Variants in TREM1 observed in about 807,000 individuals in gnomAD.
The protein encoded by TREM1 is triggering receptor expressed on monocytes 1.
A neutral mutation model predicts 22.4 loss-of-function variants in TREM1; 16 were observed. The ratio of observed to expected loss-of-function variants is 0.71; its 90% CI spans 0.48 to 1.08. TREM1 has a LOEUF of 1.08. TREM1 is among the 50% of genes least tolerant of loss of function. The pLI is 0.00. For missense variants in TREM1, 283 were observed against 282.9 expected, an observed-to-expected ratio of 1.00 and a Z score of 0.00; for synonymous variants, 110 against 111.6, an observed-to-expected ratio of 0.99 and a Z score of 0.09.
chr6:41,278,402 G>A (rs539366541), intron 3 of TREM1, among the ~76,000 whole-genome samples: 1 of 152,088 alleles, frequency 6.6e-6, no homozygotes, highest in East Asian at 2.0e-4. Context: ...GGATGTGGTG[G>A]CTCACACTTG....
intron 3 of TREM1, chr6:41,279,650 A>G (rs1035098485): frequency 1.0e-6 from 1 of 985,478 alleles, no homozygotes. Flanking sequence ...GTCTACACTC[A>G]TAGAGAAATT....
At chr6:41,270,622 A>G (rs1767456150), downstream of TREM1, among the ~76,000 whole-genome samples, 1 of 152,076 alleles carries the variant, frequency 6.6e-6, no homozygotes, top group African/African-American at 2.4e-5. Flanking sequence ...AAAAGGTACA[A>G]AAGAACTTCA....
intron 3 of TREM1, 77 bp downstream of exon 3, chr6:41,280,884 A>G: frequency 1.2e-6 from 2 of 1,606,246 alleles, no homozygotes; most frequent in Non-Finnish European, 1.7e-6. Context: ...CCTCACTTTC[A>G]CATCCTCTCA....
chr6:41,284,332 T>C (rs1166293309), intron 1 of TREM1, among the ~76,000 whole-genome samples: 2 of 152,166 alleles, frequency 1.3e-5, no homozygotes, highest in East Asian at 3.9e-4. Context: ...ATGTCAATAG[T>C]GCCATGTTTG....
chr6:41,271,052 T>C (rs190242335), downstream of TREM1, among the ~76,000 whole-genome samples: 973 of 152,262 alleles, frequency 6.4e-3, 31 homozygotes, highest in South Asian at 0.11. Flanking sequence ...AGACAGATGC[T>C]CTTCCCATTC....
chr6:41,268,220 G>A (rs886508363), intron 3 of TREM1: 11 of 397,044 alleles, frequency 2.8e-5, no homozygotes, highest in East Asian at 7.1e-5. Context: ...CAATCTGTAC[G>A]GGATGCTGCT....
rs1414711564 is a variant in TREM1 at position 41,286,601 on chromosome 6, T to C, written c.49+6A>G. On this transcript the variant is annotated splice_donor_region_variant and intron_variant, in intron 1 of 3. Transcript: ENST00000244709. Reference sequence around the variant, plus strand: ...CTCCCCTGCTCAGTCCTCTTCCTTGTCTTACCTGAGACAAAGAGCATCCAC... The same window carrying C: ...CTCCCCTGCTCAGTCCTCTTCCTTGCCTTACCTGAGACAAAGAGCATCCAC... 1 of 1,613,794 alleles carries C rather than the reference T, an allele frequency of 6.2e-7. No individual in the cohort carries two copies. Among genetic ancestry groups the C allele is most frequent in the African/African-American group, 1.3e-5 (1 of 74,870 alleles).
intron 1 of TREM1, 67 bp downstream of exon 1, chr6:41,286,540 A>G (rs1768177729): frequency 3.2e-6 from 5 of 1,581,916 alleles, no homozygotes; most frequent in Non-Finnish European, 4.3e-6. Context: ...TGAAGCTTCA[A>G]CAGAAAAGGG....
At chr6:41,278,803 C>T (rs1354125596) in intron 3 of TREM1, among the ~76,000 whole-genome samples, 1 of 152,108 alleles carries the variant, frequency 6.6e-6, no homozygotes, top group Non-Finnish European at 1.5e-5. Context: ...GATGCAGTCT[C>T]TAGCAGCAAG....
intron 2 of TREM1, 27 bp downstream of exon 2, chr6:41,282,368 T>C (rs1767955150): frequency 1.9e-6 from 3 of 1,565,312 alleles, no homozygotes. Flanking sequence ...CTGGCCCTTC[T>C]TTCCCCCCAA....
chr6:41,284,229 A>T (rs528182546), intron 1 of TREM1, among the ~76,000 whole-genome samples: 13 of 152,222 alleles, frequency 8.5e-5, no homozygotes, highest in South Asian at 4.2e-4. Flanking sequence ...AACCAGGGAG[A>T]GGGGTGGATG....
At chr6:41,272,976 C>T (rs915510778), downstream of TREM1, among the ~76,000 whole-genome samples, 1 of 152,166 alleles carries the variant, frequency 6.6e-6, no homozygotes, top group African/African-American at 2.4e-5. Flanking sequence ...CAGAGTTCTG[C>T]TTCCCCTTCT....
At chr6:41,285,311 T>A (rs1412100250) in intron 1 of TREM1, among the ~76,000 whole-genome samples, 1 of 152,192 alleles carries the variant, frequency 6.6e-6, no homozygotes, top group Non-Finnish European at 1.5e-5. Context: ...CTATTAAGTA[T>A]TATGTGCTAA....
intron 1 of TREM1, among the ~76,000 whole-genome samples, chr6:41,285,081 A>C (rs1233089210): frequency 1.3e-5 from 2 of 152,160 alleles, no homozygotes; most frequent in Non-Finnish European, 2.9e-5. Flanking sequence ...AGTTGCCACC[A>C]CTGAAGCCCT....
rs1040564570 is a variant in TREM1 at position 41,282,625 on chromosome 6, C to T, written c.176G>A (p.Arg59Lys). The T allele has an allele frequency of 4.3e-6, 7 of 1,614,206 alleles. No homozygotes were observed. The East Asian group carries it at 1.3e-4, about 31-fold the overall frequency. Residue 59 changes from arginine (R) to lysine (K), a missense_variant, in exon 2 of 4, where the codon AGG becomes AAG. Physicochemically the swap from Arg to Lys is conservative, Grantham distance 26. Transcript: ENST00000244709. The part of the protein sequence containing the change: ...ASSQKAWQII[R>K]DGEMPKTLAC... ...CAGGGTCTTGGGCATCTCTCCGTCCCTTATTATCTGCCAAGCTTTCTGGCT... is the reference window on the plus strand; with the variant it reads ...CAGGGTCTTGGGCATCTCTCCGTCCTTTATTATCTGCCAAGCTTTCTGGCT...
At position 41,275,774 on chromosome 6, in the gene TREM1, A is replaced by C; in HGVS notation, c.*351T>G. On this transcript the variant is annotated 3_prime_UTR_variant, in exon 4 of 4. Transcript: ENST00000244709. ...TGTATGGTCCAGGGCAAAACTGAGC[A>C]GGAGAAGTATCAGGTGTGCCTTCTG... 3.2e-6 allele frequency: 1 copy of C among 309,398 alleles called. No homozygotes were observed. The highest frequency in any genetic ancestry group is 6.3e-6 in the Non-Finnish European group (1 of 159,340). The allele number at this position is 309,398 out of a possible 1,614,324, so 19.2% of individuals were successfully genotyped here.
chr6:41,274,008 G>C lies in TREM1; in HGVS notation c.*2117C>G, dbSNP rs1300282906. 1.3e-5 allele frequency among the ~76,000 whole-genome samples: 2 copies of C among 152,230 alleles called. No homozygotes were observed. Among genetic ancestry groups the C allele is most frequent in the Non-Finnish European group, 2.9e-5 (2 of 68,042 alleles). On this transcript the variant is annotated 3_prime_UTR_variant, in exon 4 of 4. Transcript: ENST00000244709. ...GGGAGGATGGAGCATGGCGTGGCCTGTAAGTGCAAATGGGAGAGTATCCAG... is the reference window on the plus strand; with the variant it reads ...GGGAGGATGGAGCATGGCGTGGCCTCTAAGTGCAAATGGGAGAGTATCCAG...
chr6:41,270,446 A>AATAT (rs68021402), downstream of TREM1, among the ~76,000 whole-genome samples: 1,201 of 143,498 alleles, frequency 8.4e-3, 16 homozygotes, highest in South Asian at 0.024. Context: ...GATATTATAT[A>AATAT]ATATATATAT....
chr6:41,279,870 T>G (rs1395409820), intron 3 of TREM1: 2 of 983,190 alleles, frequency 2.0e-6, no homozygotes, highest in African/African-American at 3.5e-5. Flanking sequence ...GTTTAAATTA[T>G]CTCATGGAAA....
Sources: allele counts gnomAD v4.1 joint callset (sites outside exome capture counted in the v4.1 genomes callset), GRCh38; gene constraint gnomAD v4.1.1; transcripts MANE v1.5; gene names NCBI Gene and HGNC (gene_info 2026-07-23, HGNC 2026-07-21).